Variants in SLC12A6 observed in about 807,000 individuals in gnomAD.
The protein encoded by SLC12A6 is K-Cl cotransporter 3.
SLC12A6 carries 66 observed loss-of-function variants against 135.3 expected under a neutral mutation model. That is an observed-to-expected ratio of 0.49 (90% confidence interval 0.40 to 0.60). The LOEUF (loss-of-function observed/expected upper bound fraction) is 0.60, where lower values mean the gene tolerates loss of function less well. SLC12A6 is among the 20% of genes least tolerant of loss of function. SLC12A6 has a pLI of 0.00. For missense variants in SLC12A6, 1,058 were observed against 1,452.3 expected, an observed-to-expected ratio of 0.73 and a Z score of 4.41; for synonymous variants, 513 against 508.8, an observed-to-expected ratio of 1.01 and a Z score of -0.11.
intron 2 of SLC12A6, among the ~76,000 whole-genome samples, chr15:34,304,496 T>C (rs1270300489): frequency 1.3e-5 from 2 of 152,254 alleles, no homozygotes; most frequent in African/African-American, 4.8e-5. Context: ...CTATTTTACA[T>C]TGTCACTAGT....
In SLC12A6 at chr15:34,236,032, G is replaced by A. The variant is rs1891239656; in HGVS notation, c.3210C>T (p.Asp1070=). The change falls in exon 24 of 26, where the codon GAC becomes GAT. Residue 1070 remains aspartate, a synonymous_variant. Coordinates refer to ENST00000354181, the MANE Select transcript of SLC12A6 (RefSeq NM_001365088.1). The part of the protein sequence containing the change: ...QKAKSMEGFQ[D]LLNMRPDQSN... ...AAACTTACGGACGCATGTTAAGCAG[G>A]TCCTGGAATCCTTCCATTGACTTCG... 1 of 1,613,758 alleles carries A rather than the reference G, an allele frequency of 6.2e-7. No homozygotes were observed. Among genetic ancestry groups the A allele is most frequent in the Non-Finnish European group, 8.5e-7 (1 of 1,179,766 alleles).
intron 13 of SLC12A6, among the ~76,000 whole-genome samples, chr15:34,247,119 C>G (rs1476699282): frequency 1.3e-5 from 2 of 152,170 alleles, no homozygotes; most frequent in African/African-American, 4.8e-5. Context: ...CCACACCAGT[C>G]TTCTGTATTA....
intron 2 of SLC12A6, among the ~76,000 whole-genome samples, chr15:34,321,462 T>C (rs1240771204): frequency 6.6e-6 from 1 of 152,198 alleles, no homozygotes; most frequent in Non-Finnish European, 1.5e-5. Context: ...CTCACCAAGA[T>C]GGCTAAAATT....
rs764796151 is a variant in SLC12A6 at position 34,250,669 on chromosome 15, A to G, written c.1553T>C (p.Ile518Thr). The change falls in exon 12 of 26, where the codon ATT (isoleucine) becomes ACT (threonine). Residue 518 changes from isoleucine to threonine, a missense_variant. This residue lies in a region of SLC12A6 where 297 missense variants were observed against 318.5 expected (regional missense o/e 0.93). Transcript: ENST00000354181. Reference sequence around the variant, plus strand: ...GGTCAGGATGGCAAGGATAGTACCAATCGGAATAGACTTCTGAGCATCTTT... The same window carrying G: ...GGTCAGGATGGCAAGGATAGTACCAGTCGGAATAGACTTCTGAGCATCTTT... The part of the protein sequence containing the change: ...DLKDAQKSIP[I>T]GTILAILTTS... 2 of 1,605,316 alleles carry G rather than the reference A, an allele frequency of 1.2e-6. No homozygotes were observed. The highest frequency in any genetic ancestry group is 1.7e-6 in the Non-Finnish European group (2 of 1,171,944).
chr15:34,283,689 G>A (rs528390884), intron 2 of SLC12A6, among the ~76,000 whole-genome samples: 3 of 152,182 alleles, frequency 2.0e-5, no homozygotes, highest in African/African-American at 7.2e-5. Context: ...ATCTTGTAGT[G>A]TAGCACACTA....
In SLC12A6 at chr15:34,232,124, T is replaced by C. The variant is rs936153432; in HGVS notation, c.*1757A>G. ...AAATGAAGATTTCACATACTTGAAA[T>C]TACTGCTCAGCCAGCCACATAAGTA... On this transcript the variant is annotated 3_prime_UTR_variant, in exon 26 of 26. Transcript: ENST00000354181. 3.9e-5 allele frequency: 6 copies of C among 152,220 alleles called. No individual in the cohort carries two copies. Among genetic ancestry groups the C allele is most frequent in the Non-Finnish European group, 8.8e-5 (6 of 68,050 alleles). The allele number at this position is 152,220 out of a possible 1,614,324, so 9.4% of individuals were successfully genotyped here. A position where few individuals can be genotyped will look rare whatever the true frequency, so the allele number is the denominator to read the frequency against.
intron 24 of SLC12A6, 117 bp from the exon 25 acceptor site, chr15:34,235,431 A>ATTTTTTTTTTTTTTTTTTTTTTTTTTTT (rs371322623): frequency 2.3e-6 from 1 of 426,192 alleles, no homozygotes; most frequent in African/African-American, 2.4e-5. Context: ...TGATAAAATG[A>ATTTTTTTTTTTTTTTTTTTTTTTTTTTT]TTTTTTTTTT....
chr15:34,288,458 C>T (rs1895275979), intron 2 of SLC12A6, among the ~76,000 whole-genome samples: 2 of 152,204 alleles, frequency 1.3e-5, no homozygotes, highest in South Asian at 4.1e-4. Context: ...ATTGCCTTGG[C>T]AATGCGGGCT....
At position 34,274,418 on chromosome 15, in the gene SLC12A6, T is replaced by G. The variant is rs145692470; in HGVS notation, c.316+927A>C. On this transcript the variant is annotated intron_variant, in intron 3 of 25. Coordinates refer to ENST00000354181, the MANE Select transcript of SLC12A6 (RefSeq NM_001365088.1). ...GAAATGAGGTGGTAAGAAGAAGAGA[T>G]ACTTTTACTTTCTTTATATATGCCT... Among the ~76,000 whole-genome samples the G allele has an allele frequency of 2.0e-5, 3 of 152,306 alleles. No individual in the cohort carries two copies. In the East Asian group the frequency reaches 5.8e-4, roughly 29 times the overall value.
At chr15:34,320,443 T>C (rs1348059566) in intron 2 of SLC12A6, among the ~76,000 whole-genome samples, 3 of 151,838 alleles carry the variant, frequency 2.0e-5, no homozygotes, top group Non-Finnish European at 4.4e-5. Context: ...AAAATGTGGA[T>C]CTCATGAATA....
At chr15:34,283,455 A>ACTGT (rs1207699389) in intron 2 of SLC12A6, among the ~76,000 whole-genome samples, 2 of 152,160 alleles carry the variant, frequency 1.3e-5, no homozygotes, top group Non-Finnish European at 2.9e-5. Flanking sequence ...TATTGGGTGG[A>ACTGT]CTGTCAGGAC....
intron 2 of SLC12A6, among the ~76,000 whole-genome samples, chr15:34,323,369 G>A (rs959590886): frequency 1.3e-5 from 2 of 149,148 alleles, no homozygotes; most frequent in Middle Eastern, 3.5e-3. Flanking sequence ...TGTTAGGAAC[G>A]GGGCCCGCAC....
At chr15:34,242,629 C>T (rs984273055) in intron 16 of SLC12A6, among the ~76,000 whole-genome samples, 11 of 152,196 alleles carry the variant, frequency 7.2e-5, no homozygotes, top group African/African-American at 2.4e-4. Flanking sequence ...GGATGGGACA[C>T]GCAGCCAGAA....
At chr15:34,286,165 C>G (rs1223088885) in intron 2 of SLC12A6, among the ~76,000 whole-genome samples, 1 of 151,920 alleles carries the variant, frequency 6.6e-6, no homozygotes. Flanking sequence ...CCGCCGCCTC[C>G]CGGGTTCAAG....
chr15:34,330,885 T>C (rs1889792981), intron 2 of SLC12A6, among the ~76,000 whole-genome samples: 1 of 151,806 alleles, frequency 6.6e-6, no homozygotes, highest in South Asian at 2.1e-4. Context: ...CCACTAAAAA[T>C]ACAAAAATTA....
intron 13 of SLC12A6, among the ~76,000 whole-genome samples, chr15:34,246,729 C>T (rs1363627435): frequency 1.3e-5 from 2 of 152,126 alleles, no homozygotes; most frequent in African/African-American, 4.8e-5. Context: ...TCATTGCAGC[C>T]TTGACCTCTC....
At chr15:34,248,153 G>A (rs1360978121) in intron 13 of SLC12A6, among the ~76,000 whole-genome samples, 1 of 152,138 alleles carries the variant, frequency 6.6e-6, no homozygotes, top group Non-Finnish European at 1.5e-5. Context: ...TTACTTTGCT[G>A]TATGGCTTCC....
chr15:34,304,533 AT>A (rs1378316675), intron 2 of SLC12A6, among the ~76,000 whole-genome samples: 2 of 152,214 alleles, frequency 1.3e-5, no homozygotes, highest in Non-Finnish European at 2.9e-5. Context: ...AATACTTCAC[AT>A]CCTTTCCAAC....
rs536059709 is a variant in SLC12A6, at chr15:34,229,907, A to T, written c.*3974T>A. ...CACTTATGTTAAAAAGAACCAAAAG[A>T]CTCTTTTCTCCATGGTGGGGTGACA... is the stretch of plus-strand genomic sequence containing the variant. On this transcript the variant is annotated 3_prime_UTR_variant, in exon 26 of 26. Coordinates refer to ENST00000354181, the MANE Select transcript of SLC12A6 (RefSeq NM_001365088.1). 503 of 938,728 alleles carry T rather than the reference A, an allele frequency of 5.4e-4. 5 individuals are homozygous for T. The South Asian group carries it at 6.0e-3, about 11-fold the overall frequency. The allele number at this position is 938,728 out of a possible 1,614,324, so 58.1% of individuals were successfully genotyped here.
Sources: gnomAD v4.1 joint callset for allele counts (sites outside exome capture counted in the v4.1 genomes callset) on GRCh38, gnomAD v4.1.1 for gene constraint, gnomAD v4.1.1 regional missense constraint, MANE v1.5 for transcripts, NCBI Gene and HGNC (gene_info 2026-07-23, HGNC 2026-07-21) for gene names.